Variants in ATP7A observed in about 807,000 individuals in gnomAD.
The protein encoded by ATP7A is copper-transporting ATPase 1.
In ATP7A, 7 loss-of-function variants were observed where a neutral mutation model predicts 83.5. The ratio of observed to expected loss-of-function variants is 0.08; its 90% confidence interval spans 0.05 to 0.16. The LOEUF (loss-of-function observed/expected upper bound fraction) is 0.16. ATP7A is among the 10% of genes least tolerant of loss of function. ATP7A has a pLI of 1.00. For synonymous variants in ATP7A, 354 were observed against 395.2 expected (o/e 0.90, Z 1.24); for missense variants, 940 against 1,120.8 (o/e 0.84, Z 2.30).
intron 2 of ATP7A, among the ~76,000 whole-genome samples, chrX:77,982,314 G>A (rs2077609487): frequency 8.9e-6 from 1 of 111,841 alleles, no homozygotes; most frequent in African/African-American, 3.2e-5. Context: ...GCTTTAAACT[G>A]TCTGAAGATT....
At chrX:77,983,684 T>C (rs2077617206) in intron 2 of ATP7A, among the ~76,000 whole-genome samples, 1 of 111,770 alleles carries the variant, frequency 8.9e-6, no homozygotes, top group African/African-American at 3.2e-5. Context: ...TGTAGGCTGT[T>C]ACATTTATTT....
chrX:78,009,286 T>C (rs1164892995), intron 7 of ATP7A, 23 bp downstream of exon 7: 10 of 1,192,485 alleles, frequency 8.4e-6, no homozygotes, highest in Non-Finnish European at 1.1e-5. Flanking sequence ...AATTTATGTT[T>C]CTGTGTTCTT....
At chrX:78,027,905 C>T (rs1384047682) in intron 14 of ATP7A, among the ~76,000 whole-genome samples, 2 of 111,237 alleles carry the variant, frequency 1.8e-5, no homozygotes, top group Non-Finnish European at 3.8e-5. Flanking sequence ...TGTGTCCAGC[C>T]CACTACTGTA....
At chrX:77,931,380 C>T (rs1396104477) in intron 1 of ATP7A, among the ~76,000 whole-genome samples, 2 of 111,592 alleles carry the variant, frequency 1.8e-5, no homozygotes, top group Non-Finnish European at 3.8e-5. Flanking sequence ...TTTCTTAGTA[C>T]GGAACAAAAT....
intron 7 of ATP7A, among the ~76,000 whole-genome samples, chrX:78,010,859 A>G (rs367951606): frequency 1.5e-4 from 17 of 110,872 alleles, no homozygotes; most frequent in East Asian, 1.4e-3. Flanking sequence ...GATTACAGGC[A>G]TGAGCCACCG....
At chrX:78,033,434 G>A (rs1317480818) in intron 16 of ATP7A, among the ~76,000 whole-genome samples, 171 bp from the exon 17 acceptor site, 2 of 113,044 alleles carry the variant, frequency 1.8e-5, no homozygotes, top group Non-Finnish European at 3.7e-5. Flanking sequence ...AACTTTGAAT[G>A]TTATGTTTGA....
At chrX:77,928,797 T>C (rs960444350) in intron 1 of ATP7A, among the ~76,000 whole-genome samples, 1 of 112,084 alleles carries the variant, frequency 8.9e-6, no homozygotes, top group Admixed American at 9.5e-5. Flanking sequence ...AAGGTACACA[T>C]TCAAAAAGTA....
intron 1 of ATP7A, among the ~76,000 whole-genome samples, chrX:77,957,489 G>A (rs2077451855): frequency 9.2e-6 from 1 of 108,208 alleles, no homozygotes; most frequent in Non-Finnish European, 1.9e-5. Context: ...CAAATGACGA[G>A]TCTTATTTTG....
At chrX:77,930,411 C>A (rs2077264958) in intron 1 of ATP7A, among the ~76,000 whole-genome samples, 1 of 111,715 alleles carries the variant, frequency 9.0e-6, no homozygotes, top group African/African-American at 3.3e-5. Flanking sequence ...ACCTTGCTCC[C>A]AAATATAGCA....
intron 1 of ATP7A, among the ~76,000 whole-genome samples, chrX:77,912,304 T>C (rs905404331): frequency 3.6e-5 from 4 of 111,081 alleles, no homozygotes; most frequent in African/African-American, 1.3e-4. Context: ...GAAAAATAGA[T>C]AGGATTTAGC....
chrX:77,912,660 C>T (rs1488868767), intron 1 of ATP7A, among the ~76,000 whole-genome samples: 1 of 112,085 alleles, frequency 8.9e-6, no homozygotes, highest in Non-Finnish European at 1.9e-5. Context: ...GTAAAACTCG[C>T]TATACTTTAA....
At position 78,046,842 on chromosome X, in the gene ATP7A, T is replaced by C; in HGVS notation, c.*272T>C. The C allele has an allele frequency of 3.4e-6, 1 of 296,645 alleles. No homozygotes were observed. The highest frequency in any genetic ancestry group is 5.8e-6 in the Non-Finnish European group (1 of 171,600). 24.4% of individuals were successfully genotyped at this position (296,645 alleles called of 1,213,427 possible). ...TGAGGTTTACAACAAGCCCTACAAT[T>C]AGAGATTGCTGAACTGCTGCTAAAG... On this transcript the variant is annotated 3_prime_UTR_variant, in exon 23 of 23. Coordinates refer to ENST00000341514, the MANE Select transcript of ATP7A (RefSeq NM_000052.7).
chrX:77,984,796 G>A (rs2077625894), intron 2 of ATP7A, among the ~76,000 whole-genome samples: 1 of 112,086 alleles, frequency 8.9e-6, no homozygotes, highest in Non-Finnish European at 1.9e-5. Flanking sequence ...GTTGAGTGCT[G>A]TTACCCCAAA....
chrX:78,042,834 G>C, intron 20 of ATP7A, 46 bp downstream of exon 20: 1 of 1,136,636 alleles, frequency 8.8e-7, no homozygotes, highest in Non-Finnish European at 1.2e-6. Context: ...ACTGCCCTAT[G>C]TGGTCAATGA....
In ATP7A at chrX:77,988,304, C is replaced by A. The variant is rs374383780; in HGVS notation, c.183C>A (p.Thr61=). 1.7e-6 allele frequency: 2 copies of A among 1,201,819 alleles called. No homozygotes were observed. Among genetic ancestry groups the A allele is most frequent in the Non-Finnish European group, 2.2e-6 (2 of 890,692 alleles). ...IYDPKLQTPK[T]LQEAIDDMGF... ...ACCCTAAACTACAGACTCCAAAGAC[C>A]CTACAGGAAGCTATTGATGACATGG... Residue 61 remains threonine (T), a synonymous_variant, in exon 3 of 23, where the codon ACC becomes ACA. Transcript: ENST00000341514.
chrX:77,921,065 A>G (rs2077211611), intron 1 of ATP7A, among the ~76,000 whole-genome samples: 1 of 112,149 alleles, frequency 8.9e-6, no homozygotes, highest in African/African-American at 3.2e-5. Flanking sequence ...TTTCCTTTTT[A>G]TGGCTGAATA....
At chrX:77,981,101 T>A (rs1354557734) in intron 2 of ATP7A, among the ~76,000 whole-genome samples, 1 of 112,194 alleles carries the variant, frequency 8.9e-6, no homozygotes, top group African/African-American at 3.2e-5. Context: ...TTAGATATTG[T>A]TCCACATCAA....
intron 1 of ATP7A, among the ~76,000 whole-genome samples, chrX:77,920,373 G>A (rs2077206904): frequency 9.1e-6 from 1 of 109,693 alleles, no homozygotes. Context: ...CCGCCACCAC[G>A]CCTGGCTAAT....
At chrX:77,963,709 C>T (rs1390696345) in intron 1 of ATP7A, 3 of 111,432 alleles carry the variant, frequency 2.7e-5, no homozygotes, top group Non-Finnish European at 3.8e-5. Context: ...AAGTGATTCT[C>T]CTGCCTCAGC....
Sources: allele counts gnomAD v4.1 joint callset (sites outside exome capture counted in the v4.1 genomes callset), GRCh38; gene constraint gnomAD v4.1.1; transcripts MANE v1.5; gene names NCBI Gene and HGNC (gene_info 2026-07-23, HGNC 2026-07-21).